The following POLR3B variants were observed in gnomAD, a reference collection of about 807,000 sequenced individuals.
POLR3B encodes the protein RNA polymerase III subunit B, also known as DNA-directed RNA polymerase III subunit RPC2.
Under a neutral mutation model 147.4 loss-of-function variants are expected in POLR3B, and 96 were observed. That is an observed-to-expected ratio of 0.65 (90% CI 0.55 to 0.77). The LOEUF (loss-of-function observed/expected upper bound fraction) is 0.77. Ranked by LOEUF, POLR3B falls within the 30% of genes least tolerant of loss-of-function variation. POLR3B has a pLI of 0.00. For missense variants in POLR3B, 1,036 were observed against 1,413.5 expected, an observed-to-expected ratio of 0.73 and a Z score of 4.28; for synonymous variants, 461 against 485.9, an observed-to-expected ratio of 0.95 and a Z score of 0.67.
intron 2 of POLR3B, among the ~76,000 whole-genome samples, chr12:106,364,928 G>A (rs577512069): frequency 2.0e-5 from 3 of 152,202 alleles, no homozygotes; most frequent in African/African-American, 7.2e-5. Context: ...GAGGTCAGGA[G>A]TTTGAGACCA....
intron 19 of POLR3B, among the ~76,000 whole-genome samples, chr12:106,445,558 A>G (rs1289052809): frequency 6.6e-6 from 1 of 152,188 alleles, no homozygotes; most frequent in African/African-American, 2.4e-5. Context: ...TTTATCTTGA[A>G]GGTAATACAG....
Position 106,369,825 on chromosome 12 carries a change from A to G in POLR3B, c.404+142A>G. On this transcript the variant is annotated intron_variant, in intron 6 of 27. Transcript: ENST00000228347. ...TCAGCATGTGTAAAGCACTTAGAAT[A>G]ATGTCCAGCACATAGTCGTGGTTGT... is the stretch of plus-strand genomic sequence containing the variant. 3 of 691,616 alleles carry G rather than the reference A, an allele frequency of 4.3e-6. No homozygotes were observed. In the South Asian group the frequency reaches 4.5e-5, roughly 10 times the overall value. 42.8% of individuals were successfully genotyped at this position (691,616 alleles called of 1,614,324 possible).
chr12:106,453,238 C>G, intron 19 of POLR3B, among the ~76,000 whole-genome samples: 1 of 151,954 alleles, frequency 6.6e-6, no homozygotes, highest in East Asian at 1.9e-4. Flanking sequence ...TCTTGAACTC[C>G]TAAGCTCAAG....
intron 19 of POLR3B, among the ~76,000 whole-genome samples, chr12:106,449,265 C>G (rs1269657770): frequency 6.6e-6 from 1 of 152,126 alleles, no homozygotes; most frequent in Non-Finnish European, 1.5e-5. Context: ...AACCCATCAC[C>G]TGAGGTCAGG....
chr12:106,509,883 A>C lies in POLR3B; in HGVS notation c.*334A>C. 1 of 229,826 alleles carries C rather than the reference A, an allele frequency of 4.4e-6. No individual in the cohort carries two copies. Among genetic ancestry groups the C allele is most frequent in the Non-Finnish European group, 8.8e-6 (1 of 113,746 alleles). The allele number at this position is 229,826 out of a possible 1,614,324, so 14.2% of individuals were successfully genotyped here. ...TAGAAGACCTTACTCCTTCAAGCAA[A>C]TGTTTGGGGTCAAATTTACCATATC... is the stretch of plus-strand genomic sequence containing the variant. On this transcript the variant is annotated 3_prime_UTR_variant, in exon 28 of 28. Coordinates refer to ENST00000228347, the MANE Select transcript of POLR3B (RefSeq NM_018082.6).
intron 11 of POLR3B, among the ~76,000 whole-genome samples, chr12:106,408,918 T>G (rs572896648): frequency 2.0e-5 from 3 of 152,190 alleles, no homozygotes; most frequent in African/African-American, 7.2e-5. Flanking sequence ...GTGAAATGAG[T>G]TAGAGTTCAA....
chr12:106,373,715 C>T (rs2136893704), intron 6 of POLR3B, among the ~76,000 whole-genome samples: 2 of 151,942 alleles, frequency 1.3e-5, no homozygotes, highest in South Asian at 4.2e-4. Flanking sequence ...GATTGTGCCA[C>T]TGTACTCCAG....
At chr12:106,430,544 G>A in intron 14 of POLR3B, 71 bp downstream of exon 14, 1 of 1,244,966 alleles carries the variant, frequency 8.0e-7, no homozygotes, top group Non-Finnish European at 1.2e-6. Flanking sequence ...GTGGGGTGGG[G>A]AGGTCTGCTT....
chr12:106,391,330 C>T (rs1593013851), intron 9 of POLR3B, among the ~76,000 whole-genome samples: 1 of 152,260 alleles, frequency 6.6e-6, no homozygotes, highest in African/African-American at 2.4e-5. Flanking sequence ...ATGACCAGTC[C>T]TTCAAAGTCA....
In POLR3B at chr12:106,444,600, C is replaced by T. The variant is rs2037698213; in HGVS notation, c.2083+10C>T. 6.2e-7 allele frequency: 1 copy of T among 1,613,278 alleles called. No individual in the cohort carries two copies. Among genetic ancestry groups the T allele is most frequent in the Non-Finnish European group, 8.5e-7 (1 of 1,179,698 alleles). On this transcript the variant is annotated intron_variant, in intron 19 of 27. Coordinates refer to ENST00000228347, the MANE Select transcript of POLR3B (RefSeq NM_018082.6). ...GGGAAACAAGCCATGGGTAAGATTT[C>T]CTTCTTGAAAGTTGGTTCTAAATAC...
chr12:106,500,963 T>C (rs1486239618), intron 25 of POLR3B, among the ~76,000 whole-genome samples: 1 of 152,176 alleles, frequency 6.6e-6, no homozygotes, highest in African/African-American at 2.4e-5. Context: ...ATGCAAAGAA[T>C]AGATTGTTGA....
chr12:106,424,382 T>G (rs976872280), intron 12 of POLR3B, among the ~76,000 whole-genome samples: 1 of 152,190 alleles, frequency 6.6e-6, no homozygotes, highest in Non-Finnish European at 1.5e-5. Context: ...GGTCCCTGAT[T>G]CATCCATTAT....
chr12:106,382,003 A>T (rs533349594), intron 9 of POLR3B: 1 of 152,186 alleles, frequency 6.6e-6, no homozygotes, highest in African/African-American at 2.4e-5. Flanking sequence ...GAGTGTGAGG[A>T]TGACCAGAGG....
intron 23 of POLR3B, among the ~76,000 whole-genome samples, chr12:106,484,351 C>T (rs867372874): frequency 2.0e-5 from 3 of 152,068 alleles, no homozygotes; most frequent in Non-Finnish European, 4.4e-5. Context: ...TTGATTAATT[C>T]ATCCATTTAT....
At chr12:106,386,823 C>T (rs563130014) in intron 9 of POLR3B, among the ~76,000 whole-genome samples, 1 of 151,900 alleles carries the variant, frequency 6.6e-6, no homozygotes, top group African/African-American at 2.4e-5. Flanking sequence ...AGGAGAATGG[C>T]GTGAACCTGG....
intron 23 of POLR3B, among the ~76,000 whole-genome samples, chr12:106,492,518 A>G (rs894743966): frequency 6.6e-6 from 1 of 152,240 alleles, no homozygotes; most frequent in Admixed American, 6.5e-5. Flanking sequence ...CCTGGACAAG[A>G]GAGTGAGACC....
chr12:106,403,571 C>A (rs544651063), intron 10 of POLR3B, among the ~76,000 whole-genome samples: 1 of 152,114 alleles, frequency 6.6e-6, no homozygotes, highest in South Asian at 2.1e-4. Context: ...AAATGTCCAA[C>A]AACAATAGAC....
At chr12:106,462,646 G>T (rs1284001669) in intron 22 of POLR3B, among the ~76,000 whole-genome samples, 2 of 152,318 alleles carry the variant, frequency 1.3e-5, no homozygotes, top group Non-Finnish European at 2.9e-5. Context: ...TGTGGGAAAG[G>T]TGTCCTTAGC....
rs985535710 is a variant in POLR3B, at chr12:106,437,850, C to T, written c.1955+71C>T. 83 of 813,672 alleles carry T rather than the reference C, an allele frequency of 1.0e-4. No homozygotes were observed. In the Middle Eastern group the frequency reaches 1.2e-3, roughly 11 times the overall value. 50.4% of individuals were successfully genotyped at this position (813,672 alleles called of 1,614,324 possible). A position where few individuals can be genotyped will look rare whatever the true frequency, so the allele number is the denominator to read the frequency against. On this transcript the variant is annotated intron_variant, in intron 18 of 27. Coordinates refer to ENST00000228347, the MANE Select transcript of POLR3B (RefSeq NM_018082.6). ...TAGAAACTACCTTCTCTTTTACTGTCATCTTCAGTCCTTCTATCTTTTACT... is the reference window on the plus strand; with the variant it reads ...TAGAAACTACCTTCTCTTTTACTGTTATCTTCAGTCCTTCTATCTTTTACT...
Sources: allele counts gnomAD v4.1 joint callset (sites outside exome capture counted in the v4.1 genomes callset), GRCh38; gene constraint gnomAD v4.1.1; transcripts MANE v1.5; gene names NCBI Gene and HGNC (gene_info 2026-07-23, HGNC 2026-07-21).